Variants in SOX5 observed in about 807,000 individuals in gnomAD.
The protein encoded by SOX5 is transcription factor SOX-5.
A neutral mutation model predicts 92.0 loss-of-function variants in SOX5; 9 were observed. The ratio of observed to expected loss-of-function variants is 0.10; its 90% confidence interval spans 0.06 to 0.17. The LOEUF is 0.17. Ranked by LOEUF, SOX5 falls within the 10% of genes least tolerant of loss-of-function variation. The pLI is 1.00. For missense variants in SOX5, 642 were observed against 944.5 expected (o/e 0.68, Z 4.20); for synonymous variants, 344 against 336.3 (o/e 1.02, Z -0.25).
chr12:23,837,275 GTATTTATATTTATATTTATATAAT>G (rs2096438033), intron 3 of SOX5, among the ~76,000 whole-genome samples: 1 of 71,298 alleles, frequency 1.4e-5, no homozygotes, highest in South Asian at 4.4e-4. Context: ...TATATAATAT[GTATTTATATTTATATTTATATAAT>G]ATATAAGATA....
At chr12:24,348,532 G>A (rs749246917) in intron 2 of SOX5, among the ~76,000 whole-genome samples, 2 of 152,024 alleles carry the variant, frequency 1.3e-5, no homozygotes, top group Non-Finnish European at 2.9e-5. Flanking sequence ...ACAGGCACAT[G>A]CTACCATGCC....
At chr12:23,928,145 CA>C (rs1462928827) in intron 1 of SOX5, among the ~76,000 whole-genome samples, 1 of 151,944 alleles carries the variant, frequency 6.6e-6, no homozygotes, top group African/African-American at 2.4e-5. Flanking sequence ...GAAGGGAAGC[CA>C]AATGAGCCCA....
rs1439671237 is a variant in SOX5, at chr12:23,755,678, C to T, written c.528G>A (p.Lys176=). 1 of 1,590,932 alleles carries T rather than the reference C, an allele frequency of 6.3e-7. No homozygotes were observed. Among genetic ancestry groups the T allele is most frequent in the South Asian group, 1.1e-5 (1 of 87,156 alleles). ...AGTTCCCCGATCCCATTGCAAGAAG[C>T]TTGTCTTTCCAGTCCTTTGAGAGTA... The part of the protein sequence containing the change: ...EKLLSKDWKD[K]LLAMGSGNFG... The change falls in exon 4 of 15, where the codon AAG becomes AAA. Residue 176 remains lysine (K), a synonymous_variant. Transcript: ENST00000451604.
chr12:24,193,999 T>C (rs1011655053), intron 4 of SOX5, among the ~76,000 whole-genome samples: 3 of 152,210 alleles, frequency 2.0e-5, no homozygotes, highest in Admixed American at 6.5e-5. Context: ...CCTCTACTGA[T>C]TGATGGCCTC....
At chr12:23,614,863 A>T (rs1420009358) in intron 8 of SOX5, among the ~76,000 whole-genome samples, 3 of 152,150 alleles carry the variant, frequency 2.0e-5, no homozygotes, top group Non-Finnish European at 4.4e-5. Flanking sequence ...GTGCAATGGC[A>T]CAATCTTGGC....
chr12:23,698,373 T>A (rs1156788881), intron 6 of SOX5, among the ~76,000 whole-genome samples: 1 of 152,148 alleles, frequency 6.6e-6, no homozygotes, highest in Non-Finnish European at 1.5e-5. Context: ...GACATTCTGG[T>A]TTCATTGGTC....
At chr12:23,838,417 G>A (rs2096463160) in intron 3 of SOX5, among the ~76,000 whole-genome samples, 1 of 151,652 alleles carries the variant, frequency 6.6e-6, no homozygotes, top group African/African-American at 2.4e-5. Context: ...ATAAAAGTGA[G>A]TCTATTTATA....
At chr12:24,018,226 A>G (rs1203931285) in intron 4 of SOX5, among the ~76,000 whole-genome samples, 3 of 152,156 alleles carry the variant, frequency 2.0e-5, no homozygotes. Context: ...TGAAAATTAG[A>G]ATTTAAAATA....
chr12:23,926,424 T>C (rs899419405), intron 1 of SOX5, among the ~76,000 whole-genome samples: 2 of 152,094 alleles, frequency 1.3e-5, no homozygotes, highest in South Asian at 2.1e-4. Flanking sequence ...ATTATAAAGA[T>C]ACAAAATACT....
intron 1 of SOX5, among the ~76,000 whole-genome samples, chr12:24,408,021 T>C (rs11047426): frequency 0.32 from 48,015 of 152,048 alleles, 7,830 homozygotes; most frequent in Non-Finnish European, 0.34. Flanking sequence ...GATAAGGTGA[T>C]GTTTGAGCAG....
At chr12:24,400,734 C>G (rs66791784) in intron 1 of SOX5, among the ~76,000 whole-genome samples, 6,759 of 152,256 alleles carry the variant, frequency 0.044, 190 homozygotes, top group Middle Eastern at 0.085. Flanking sequence ...ATAACCACCC[C>G]CTCCATGCTC....
In SOX5 at chr12:23,914,196, A is replaced by T. The variant is rs777622999; in HGVS notation, c.39-18172T>A. On this transcript the variant is annotated intron_variant, in intron 1 of 14. Coordinates refer to ENST00000451604, the MANE Select transcript of SOX5 (RefSeq NM_006940.6). ...GTATAATGAAGTCTAATTTTTTTTT[A>T]AAACATTACAGAGGGTAAGTAAAAT... Among the ~76,000 whole-genome samples the T allele has an allele frequency of 1.8e-3, 281 of 152,228 alleles. 1 individual carries two copies. Among genetic ancestry groups the T allele is most frequent in the Middle Eastern group, 3.4e-3 (1 of 294 alleles).
chr12:23,983,808 T>C lies in SOX5; in HGVS notation c.-1-87784A>G, dbSNP rs146345989. Among the ~76,000 whole-genome samples the C allele has an allele frequency of 2.5e-3, 376 of 152,252 alleles. 1 individual carries two copies. The highest frequency in any genetic ancestry group is 8.1e-3 in the African/African-American group (336 of 41,568). On this transcript the variant is annotated intron_variant, in intron 4 of 4. Transcript: ENST00000446891. ...TCCTAATTTATTATTAGCCAAATTA[T>C]TAAGGGAGGATATTTTCAAGATAAA...
chr12:24,351,857 A>G (rs373225894), intron 2 of SOX5, among the ~76,000 whole-genome samples: 10 of 152,246 alleles, frequency 6.6e-5, no homozygotes, highest in African/African-American at 1.9e-4. Context: ...TGGCAATTAA[A>G]TTAACTATCT....
chr12:23,737,732 T>C (rs1284607834), intron 5 of SOX5, among the ~76,000 whole-genome samples: 1 of 152,136 alleles, frequency 6.6e-6, no homozygotes. Context: ...CTGCCTCTTG[T>C]ACACACCAAG....
At chr12:24,355,376 C>T (rs891668258) in intron 2 of SOX5, among the ~76,000 whole-genome samples, 19 of 131,212 alleles carry the variant, frequency 1.4e-4, no homozygotes, top group Admixed American at 4.5e-4. Flanking sequence ...GGTGCAATTT[C>T]GGCTCACTGT....
At chr12:24,042,341 G>A (rs1453166188) in intron 4 of SOX5, among the ~76,000 whole-genome samples, 1 of 152,026 alleles carries the variant, frequency 6.6e-6, no homozygotes. Context: ...AGTTACAATT[G>A]ATAAAACAGG....
rs1036684261 is a variant in SOX5, at chr12:23,531,923, A to G, written c.*2296T>C. 1 of 147,166 alleles carries G rather than the reference A, an allele frequency of 6.8e-6. No individual in the cohort carries two copies. The highest frequency in any genetic ancestry group is 1.5e-5 in the Non-Finnish European group (1 of 66,782). 9.1% of individuals were successfully genotyped at this position (147,166 alleles called of 1,614,324 possible). A position where few individuals can be genotyped will look rare whatever the true frequency, so the allele number is the denominator to read the frequency against. On this transcript the variant is annotated 3_prime_UTR_variant, in exon 15 of 15. Coordinates refer to ENST00000451604, the MANE Select transcript of SOX5 (RefSeq NM_006940.6). ...TGTGTGTGTGTGTGTATATGTGTGT[A>G]TATATATGTATATATATATATACAT...
intron 1 of SOX5, among the ~76,000 whole-genome samples, chr12:24,540,791 T>A (rs74360811): frequency 1.3e-5 from 2 of 152,160 alleles, no homozygotes; most frequent in Admixed American, 1.3e-4. Context: ...GCATAAATTA[T>A]AGTGCAATCG....
Sources: allele counts gnomAD v4.1 joint callset (sites outside exome capture counted in the v4.1 genomes callset), GRCh38; gene constraint gnomAD v4.1.1; transcripts MANE v1.5; gene names NCBI Gene and HGNC (gene_info 2026-07-23, HGNC 2026-07-21).